Variants in SGCZ observed in about 807,000 individuals in gnomAD.
SGCZ encodes sarcoglycan zeta.
In SGCZ, 40 loss-of-function variants were observed where a neutral mutation model predicts 41.3. The observed-to-expected ratio is 0.97, with a 90% confidence interval of 0.75 to 1.26. The LOEUF (loss-of-function observed/expected upper bound fraction) is 1.26. Among genes scored for constraint, SGCZ ranks in the 50% most tolerant of loss-of-function variants. SGCZ has a pLI of 0.00. For missense variants in SGCZ, 552 were observed against 369.8 expected, an observed-to-expected ratio of 1.49 and a Z score of -4.04; for synonymous variants, 206 against 137.5, an observed-to-expected ratio of 1.50 and a Z score of -3.49.
At chr8:15,098,440 G>C (rs2131077011) in intron 1 of SGCZ, among the ~76,000 whole-genome samples, 1 of 152,238 alleles carries the variant, frequency 6.6e-6, no homozygotes, top group African/African-American at 2.4e-5. Flanking sequence ...GTATCACACA[G>C]CTAGAAAAGG....
chr8:15,213,083 A>G (rs1349587583), intron 1 of SGCZ, among the ~76,000 whole-genome samples: 2 of 152,064 alleles, frequency 1.3e-5, no homozygotes, highest in Non-Finnish European at 2.9e-5. Context: ...GAGGGGCGAC[A>G]TAAAGGGGAA....
At chr8:14,696,115 G>A (rs1223433571) in intron 1 of SGCZ, among the ~76,000 whole-genome samples, 1 of 151,952 alleles carries the variant, frequency 6.6e-6, no homozygotes, top group Non-Finnish European at 1.5e-5. Context: ...TTTTCAGGTT[G>A]TAGAAAATTG....
intron 2 of SGCZ, among the ~76,000 whole-genome samples, chr8:14,331,803 C>G (rs981034660): frequency 6.6e-6 from 1 of 151,478 alleles, no homozygotes; most frequent in Non-Finnish European, 1.5e-5. Flanking sequence ...TTTTGTTTCT[C>G]TTAAGTGCAC....
intron 1 of SGCZ, among the ~76,000 whole-genome samples, chr8:15,011,749 T>C (rs1802833981): frequency 6.6e-6 from 1 of 152,224 alleles, no homozygotes; most frequent in South Asian, 2.1e-4. Context: ...TAAAATATCA[T>C]TTAAATGTGT....
chr8:14,661,602 C>G (rs1807753043), intron 1 of SGCZ, among the ~76,000 whole-genome samples: 2 of 152,078 alleles, frequency 1.3e-5, no homozygotes, highest in Admixed American at 6.6e-5. Flanking sequence ...AACCATGACT[C>G]AACATAAATC....
chr8:14,301,206 T>C (rs1325198907), intron 3 of SGCZ, among the ~76,000 whole-genome samples: 1 of 152,030 alleles, frequency 6.6e-6, no homozygotes, highest in Non-Finnish European at 1.5e-5. Flanking sequence ...TGTTGAGATT[T>C]ACGTATCTGA....
At chr8:14,978,240 G>T (rs1801545395) in intron 1 of SGCZ, among the ~76,000 whole-genome samples, 1 of 151,496 alleles carries the variant, frequency 6.6e-6, no homozygotes, top group East Asian at 1.9e-4. Flanking sequence ...GGCTGAGGGG[G>T]GTGGATCACC....
chr8:14,894,772 G>C (rs552934603), intron 1 of SGCZ, among the ~76,000 whole-genome samples: 4 of 151,636 alleles, frequency 2.6e-5, no homozygotes, highest in African/African-American at 9.6e-5. Flanking sequence ...ACAAAAAAAA[G>C]TGAATAAATA....
chr8:14,655,608 G>A (rs1461365198), intron 1 of SGCZ, among the ~76,000 whole-genome samples: 1 of 152,006 alleles, frequency 6.6e-6, no homozygotes, highest in Non-Finnish European at 1.5e-5. Flanking sequence ...AAATAATATA[G>A]AGACACCTTT....
At chr8:14,788,503 C>A (rs1278144977) in intron 1 of SGCZ, among the ~76,000 whole-genome samples, 1 of 152,162 alleles carries the variant, frequency 6.6e-6, no homozygotes, top group African/African-American at 2.4e-5. Context: ...TACCATAATT[C>A]TTCTGGGGAC....
intron 1 of SGCZ, among the ~76,000 whole-genome samples, chr8:14,726,102 CA>C (rs1402665161): frequency 5.3e-5 from 8 of 151,314 alleles, no homozygotes; most frequent in African/African-American, 1.9e-4. Flanking sequence ...ACTAAAGACA[CA>C]AAAAATTTAG....
intron 4 of SGCZ, among the ~76,000 whole-genome samples, chr8:14,195,772 A>C (rs1163254845): frequency 1.3e-5 from 2 of 152,228 alleles, no homozygotes; most frequent in East Asian, 3.9e-4. Context: ...CAAAACAATA[A>C]CAAAAACAAT....
intron 1 of SGCZ, among the ~76,000 whole-genome samples, chr8:14,565,734 A>G (rs1002063637): frequency 6.6e-6 from 1 of 152,146 alleles, no homozygotes; most frequent in Non-Finnish European, 1.5e-5. Flanking sequence ...ATATCCAGAA[A>G]GAGGAGGGGA....
At chr8:14,488,442 A>G (rs1194772710) in intron 2 of SGCZ, among the ~76,000 whole-genome samples, 1 of 152,218 alleles carries the variant, frequency 6.6e-6, no homozygotes, top group African/African-American at 2.4e-5. Flanking sequence ...TTCTGATGCT[A>G]GGCCCTTCGC....
chr8:14,733,206 C>T (rs1798920613), intron 1 of SGCZ, among the ~76,000 whole-genome samples: 1 of 152,184 alleles, frequency 6.6e-6, no homozygotes, highest in South Asian at 2.1e-4. Context: ...CCAGGTACCC[C>T]AGGTATCTAG....
intron 2 of SGCZ, among the ~76,000 whole-genome samples, chr8:14,394,015 C>A (rs1379835158): frequency 6.6e-6 from 1 of 151,926 alleles, no homozygotes; most frequent in East Asian, 1.9e-4. Flanking sequence ...TTGAAAGTAA[C>A]TGTTAATATA....
At chr8:14,751,956 A>AC (rs1799512539) in intron 1 of SGCZ, among the ~76,000 whole-genome samples, 1 of 151,846 alleles carries the variant, frequency 6.6e-6, no homozygotes, top group South Asian at 2.1e-4. Flanking sequence ...CAAACAAAAA[A>AC]AAAAAACACC....
intron 4 of SGCZ, among the ~76,000 whole-genome samples, chr8:14,215,371 A>G (rs1436035382): frequency 6.6e-6 from 1 of 152,176 alleles, no homozygotes; most frequent in Non-Finnish European, 1.5e-5. Flanking sequence ...GCACTAAAGC[A>G]GTGATAACAG....
intron 2 of SGCZ, among the ~76,000 whole-genome samples, chr8:14,533,099 C>T (rs780211879): frequency 6.6e-6 from 1 of 151,942 alleles, no homozygotes; most frequent in African/African-American, 2.4e-5. Context: ...CACCCATTAA[C>T]TCGTCATTTC....
Sources: gnomAD v4.1 joint callset for allele counts (sites outside exome capture counted in the v4.1 genomes callset) on GRCh38, gnomAD v4.1.1 for gene constraint, MANE v1.5 for transcripts, NCBI Gene and HGNC (gene_info 2026-07-23, HGNC 2026-07-21) for gene names.